USP34: variants seen among roughly 807,000 people sequenced by gnomAD.
USP34 encodes the protein ubiquitin specific peptidase 34, also known as ubiquitin carboxyl-terminal hydrolase 34.
A neutral mutation model predicts 460.3 loss-of-function variants in USP34; 70 were observed. That is an observed-to-expected ratio of 0.15 (90% CI 0.13 to 0.19). The LOEUF (loss-of-function observed/expected upper bound fraction) is 0.19, where lower values mean the gene tolerates loss of function less well. Among genes scored for constraint, USP34 ranks in the 10% least tolerant of loss-of-function variants. USP34 has a pLI of 1.00. For missense variants in USP34, 3,985 were observed against 4,236.2 expected (o/e 0.94, Z 1.65); for synonymous variants, 1,647 against 1,405.3 (o/e 1.17, Z -3.85).
chr2:61,407,165 C>G (rs1206823031), intron 2 of USP34, among the ~76,000 whole-genome samples: 1 of 152,148 alleles, frequency 6.6e-6, no homozygotes, highest in Non-Finnish European at 1.5e-5. Flanking sequence ...GTGGGAGGAT[C>G]GCTTAAGTCC....
intron 5 of USP34, among the ~76,000 whole-genome samples, chr2:61,385,813 G>A (rs563144362): frequency 1.3e-4 from 19 of 151,674 alleles, no homozygotes; most frequent in African/African-American, 4.6e-4. Flanking sequence ...GGCCAACATG[G>A]TGAAACTGTT....
intron 1 of USP34, among the ~76,000 whole-genome samples, chr2:61,438,941 C>T (rs889880175): frequency 6.6e-6 from 1 of 152,176 alleles, no homozygotes; most frequent in Non-Finnish European, 1.5e-5. Context: ...TAAAAACACA[C>T]ACCTCAGAGC....
chr2:61,237,987 C>G (rs1158254048), intron 53 of USP34, among the ~76,000 whole-genome samples: 1 of 151,948 alleles, frequency 6.6e-6, no homozygotes, highest in Non-Finnish European at 1.5e-5. Context: ...ATCTCCACCT[C>G]CAGGTTCAAG....
chr2:61,248,799 G>T, intron 48 of USP34, 116 bp from the exon 49 acceptor site: 1 of 972,216 alleles, frequency 1.0e-6, no homozygotes, highest in Non-Finnish European at 1.4e-6. Context: ...AAGTATAGTA[G>T]TTCCCCTTAT....
intron 20 of USP34, among the ~76,000 whole-genome samples, chr2:61,327,643 C>T (rs1572938491): frequency 6.6e-6 from 1 of 152,166 alleles, no homozygotes; most frequent in Non-Finnish European, 1.5e-5. Context: ...ACTTGCATCT[C>T]GGAATAAGGG....
Position 61,423,814 on chromosome 2 carries a change from G to A in USP34, c.44-2981C>T, listed in dbSNP as rs552340331. On this transcript the variant is annotated intron_variant, in intron 1 of 79. Coordinates refer to ENST00000398571, the MANE Select transcript of USP34 (RefSeq NM_014709.4). ...ATATTTTTAAAAATTAGCCAGGCAC[G>A]GTGGCACATGCCTATAGTTCTAGCT... Among the ~76,000 whole-genome samples the A allele has an allele frequency of 3.3e-5, 5 of 152,176 alleles. No individual in the cohort carries two copies. In the South Asian group the frequency reaches 1.0e-3, roughly 32 times the overall value.
chr2:61,190,490 C>A, intron 77 of USP34, 28 bp downstream of exon 77: 1 of 1,607,772 alleles, frequency 6.2e-7, no homozygotes, highest in South Asian at 1.1e-5. Context: ...TTAGAAATGA[C>A]ACACTGAGTT....
rs769802955 is a variant in USP34 at position 61,470,706 on chromosome 2, C to T, written c.-14G>A. The T allele has an allele frequency of 1.4e-5, 21 of 1,497,352 alleles. No homozygotes were observed. Among genetic ancestry groups the T allele is most frequent in the Non-Finnish European group, 1.9e-5 (21 of 1,097,614 alleles). 92.8% of individuals were successfully genotyped at this position (1,497,352 alleles called of 1,614,324 possible). A position where few individuals can be genotyped will look rare whatever the true frequency, so the allele number is the denominator to read the frequency against. On this transcript the variant is annotated 5_prime_UTR_variant, in exon 1 of 80. Coordinates refer to ENST00000398571, the MANE Select transcript of USP34 (RefSeq NM_014709.4). ...GTTCTCGCACATCGTTCGGCCGCCG[C>T]CCCCCCCCTCCCCCGCTTCGGATCA...
chr2:61,446,310 T>C (rs983048547), intron 1 of USP34, among the ~76,000 whole-genome samples: 1 of 152,116 alleles, frequency 6.6e-6, no homozygotes, highest in African/African-American at 2.4e-5. Flanking sequence ...CTGTACTCCA[T>C]CATATACTGT....
At chr2:61,465,371 A>G (rs1695730705) in intron 1 of USP34, among the ~76,000 whole-genome samples, 1 of 152,186 alleles carries the variant, frequency 6.6e-6, no homozygotes, top group Non-Finnish European at 1.5e-5. Context: ...TAATAATATT[A>G]ATACTCTCAC....
At chr2:61,270,576 C>T (rs369040445) in intron 41 of USP34, among the ~76,000 whole-genome samples, 10 of 152,112 alleles carry the variant, frequency 6.6e-5, no homozygotes, top group African/African-American at 1.9e-4. Flanking sequence ...GCTGTGATTA[C>T]GGGTATGCAC....
chr2:61,460,614 T>C (rs1486732258), intron 1 of USP34, among the ~76,000 whole-genome samples: 2 of 150,398 alleles, frequency 1.3e-5, no homozygotes, highest in African/African-American at 4.9e-5. Flanking sequence ...TCAGAACACA[T>C]TCCACTTGGA....
At chr2:61,208,560 CAAAT>C (rs1463431374) in intron 70 of USP34, 1 of 156,798 alleles carries the variant, frequency 6.4e-6, no homozygotes, top group Non-Finnish European at 1.4e-5. Flanking sequence ...TCTATACTGT[CAAAT>C]AAGTAGGCTT....
At chr2:61,303,858 G>A (rs972493883) in intron 27 of USP34, among the ~76,000 whole-genome samples, 2 of 151,394 alleles carry the variant, frequency 1.3e-5, no homozygotes, top group Admixed American at 6.6e-5. Context: ...GCCTCCCAAA[G>A]TGCTGGGATT....
chr2:61,464,647 G>A (rs1695708940), intron 1 of USP34, among the ~76,000 whole-genome samples: 1 of 150,680 alleles, frequency 6.6e-6, no homozygotes, highest in Admixed American at 6.6e-5. Context: ...GTCCCAGGAG[G>A]CGGAGGTTGC....
At chr2:61,412,238 AAAG>A (rs143373678) in intron 2 of USP34, among the ~76,000 whole-genome samples, 3,621 of 145,676 alleles carry the variant, frequency 0.025, 149 homozygotes, top group African/African-American at 0.092. Context: ...AACAGAAAGA[AAAG>A]AAAAGAAAAA....
At chr2:61,278,104 A>G (rs1418819341) in intron 41 of USP34, 61 bp downstream of exon 41, 5 of 1,588,898 alleles carry the variant, frequency 3.1e-6, no homozygotes, top group Non-Finnish European at 4.3e-6. Flanking sequence ...CTAATACACA[A>G]TGTAACAACA....
At chr2:61,335,335 G>C (rs1691384855) in intron 18 of USP34, among the ~76,000 whole-genome samples, 1 of 152,144 alleles carries the variant, frequency 6.6e-6, no homozygotes, top group African/African-American at 2.4e-5. Context: ...AAGCATAAAA[G>C]GGAAGTGTTA....
chr2:61,262,955 T>C (rs745523030), intron 43 of USP34, among the ~76,000 whole-genome samples: 18 of 152,276 alleles, frequency 1.2e-4, no homozygotes, highest in Non-Finnish European at 2.4e-4. Context: ...CATTTTTTCA[T>C]ATGCTTATTG....
Sources: allele counts gnomAD v4.1 joint callset (sites outside exome capture counted in the v4.1 genomes callset), GRCh38; gene constraint gnomAD v4.1.1; transcripts MANE v1.5; gene names NCBI Gene and HGNC (gene_info 2026-07-23, HGNC 2026-07-21).